WWOX: variants seen among roughly 807,000 people sequenced by gnomAD.
WWOX encodes the protein WW domain containing oxidoreductase.
A neutral mutation model predicts 46.2 loss-of-function variants in WWOX; 69 were observed. The ratio of observed to expected loss-of-function variants is 1.49; its 90% confidence interval spans 1.23 to 1.82. WWOX has a LOEUF of 1.82. Ranked by LOEUF, WWOX falls within the 40% of genes most tolerant of loss-of-function variation. The pLI, the probability that WWOX is intolerant of heterozygous loss-of-function variation, is 0.00. For synonymous variants in WWOX, 359 were observed against 202.6 expected, an observed-to-expected ratio of 1.77 and a Z score of -6.56; for missense variants, 919 against 542.6, an observed-to-expected ratio of 1.69 and a Z score of -6.89.
intron 8 of WWOX, among the ~76,000 whole-genome samples, chr16:78,912,104 G>A (rs1196494077): frequency 6.7e-6 from 1 of 150,220 alleles, no homozygotes; most frequent in Non-Finnish European, 1.5e-5. Context: ...AGGTTTTCCA[G>A]TGTCTCTGAG....
chr16:78,803,285 G>C (rs1168220751), intron 8 of WWOX, among the ~76,000 whole-genome samples: 1 of 151,474 alleles, frequency 6.6e-6, no homozygotes, highest in Non-Finnish European at 1.5e-5. Context: ...GCTCTTGTGT[G>C]TTATTGTAGT....
chr16:78,719,252 C>A (rs2048638750), intron 8 of WWOX, among the ~76,000 whole-genome samples: 1 of 152,196 alleles, frequency 6.6e-6, no homozygotes, highest in Non-Finnish European at 1.5e-5. Flanking sequence ...ATACGAACTT[C>A]CACACAAAAC....
chr16:78,588,286 A>G (rs1294167910), intron 8 of WWOX, among the ~76,000 whole-genome samples: 1 of 152,188 alleles, frequency 6.6e-6, no homozygotes, highest in Non-Finnish European at 1.5e-5. Flanking sequence ...GACCAGACTC[A>G]TAGGTTTTGG....
intron 8 of WWOX, among the ~76,000 whole-genome samples, chr16:78,570,252 A>C (rs1169211348): frequency 6.6e-6 from 1 of 152,194 alleles, no homozygotes; most frequent in Admixed American, 6.5e-5. Flanking sequence ...TTTTATTAAT[A>C]TAAAAACTTG....
chr16:78,831,662 T>C (rs2051829629), intron 8 of WWOX, among the ~76,000 whole-genome samples: 2 of 152,198 alleles, frequency 1.3e-5, no homozygotes, highest in South Asian at 4.1e-4. Context: ...AGAGTGATCA[T>C]AATACTATTT....
At chr16:78,808,193 AC>A (rs2051093135) in intron 8 of WWOX, among the ~76,000 whole-genome samples, 1 of 151,934 alleles carries the variant, frequency 6.6e-6, no homozygotes, top group Non-Finnish European at 1.5e-5. Context: ...TCCTCTTTTA[AC>A]CCCTCTGAAT....
intron 8 of WWOX, among the ~76,000 whole-genome samples, chr16:79,162,465 C>A (rs943971731): frequency 9.9e-5 from 15 of 152,134 alleles, no homozygotes; most frequent in African/African-American, 3.6e-4. Context: ...TCTCAGCTGT[C>A]CTGATGCCAC....
intron 8 of WWOX, among the ~76,000 whole-genome samples, chr16:79,198,959 G>C (rs1327001968): frequency 6.6e-6 from 1 of 152,184 alleles, no homozygotes; most frequent in Non-Finnish European, 1.5e-5. Context: ...TGTTGAGACT[G>C]GGTGTCTAGA....
At chr16:78,883,889 A>G (rs1287468693) in intron 8 of WWOX, among the ~76,000 whole-genome samples, 1 of 152,190 alleles carries the variant, frequency 6.6e-6, no homozygotes, top group African/African-American at 2.4e-5. Flanking sequence ...TTAAAGGGAA[A>G]GAAAACCTCT....
At chr16:79,008,458 A>G (rs781198131) in intron 8 of WWOX, among the ~76,000 whole-genome samples, 1 of 152,108 alleles carries the variant, frequency 6.6e-6, no homozygotes, top group African/African-American at 2.4e-5. Flanking sequence ...CAGGGGGGCA[A>G]ATTATCCCAT....
At chr16:78,691,738 C>G (rs943770042) in intron 8 of WWOX, among the ~76,000 whole-genome samples, 13 of 152,094 alleles carry the variant, frequency 8.5e-5, no homozygotes, top group African/African-American at 2.7e-4. Flanking sequence ...AGCACTGTCT[C>G]TCTCTACCCT....
chr16:78,931,795 C>T (rs895299121), intron 8 of WWOX, among the ~76,000 whole-genome samples: 3 of 152,182 alleles, frequency 2.0e-5, no homozygotes, highest in African/African-American at 7.2e-5. Flanking sequence ...TTAGCTGTGT[C>T]TCCACCCAAG....
chr16:79,211,793 C>T lies in WWOX; in HGVS notation c.1242C>T (p.Gly414=), dbSNP rs557367276. 1.9e-6 allele frequency: 3 copies of T among 1,614,042 alleles called. No homozygotes were observed. Among genetic ancestry groups the T allele is most frequent in the Non-Finnish European group, 2.5e-6 (3 of 1,179,970 alleles). The change falls in exon 9 of 9, where the codon GGC becomes GGT. Residue 414 remains glycine (G), a synonymous_variant. Coordinates refer to ENST00000566780, the MANE Select transcript of WWOX (RefSeq NM_016373.4). ...AAGAACGGCTTGGCAGCCAGTCCGG[C>T]TAAGTGGAGCTCAGAGCGGATGGGC... The part of the protein sequence containing the change: ...LIQERLGSQS[G]
intron 5 of WWOX, among the ~76,000 whole-genome samples, chr16:78,384,811 A>C (rs1268194034): frequency 6.6e-6 from 1 of 152,140 alleles, no homozygotes; most frequent in East Asian, 1.9e-4. Context: ...TTGGGGACAT[A>C]ATTTCATCAC....
rs184258328 is a variant in WWOX at position 78,215,881 on chromosome 16, A to C, written c.516+51592A>C. Among the ~76,000 whole-genome samples the C allele has an allele frequency of 4.1e-3, 621 of 152,026 alleles. 2 individuals carry two copies. Among genetic ancestry groups the C allele is most frequent in the Non-Finnish European group, 4.9e-3 (332 of 67,978 alleles). On this transcript the variant is annotated intron_variant, in intron 5 of 8. Transcript: ENST00000566780. ...GTGGAGGTTTCAGTGAGCCGAGATC[A>C]TGCCACTGCACTCTAGCCTGGGTGA...
At chr16:78,921,441 G>A (rs573994987) in intron 8 of WWOX, among the ~76,000 whole-genome samples, 199 of 152,280 alleles carry the variant, frequency 1.3e-3, no homozygotes, top group African/African-American at 4.5e-3. Flanking sequence ...CATTTGAGCT[G>A]CAAAATCATA....
chr16:78,247,819 T>C (rs1424964637), intron 5 of WWOX, among the ~76,000 whole-genome samples: 1 of 152,160 alleles, frequency 6.6e-6, no homozygotes, highest in African/African-American at 2.4e-5. Flanking sequence ...CAGGCATTGA[T>C]GGAGGTCTCA....
intron 4 of WWOX, among the ~76,000 whole-genome samples, chr16:78,137,093 G>A (rs2033821325): frequency 6.6e-6 from 1 of 152,188 alleles, no homozygotes; most frequent in African/African-American, 2.4e-5. Flanking sequence ...TAAGTGAGTG[G>A]CAGAGGGGGT....
At chr16:78,480,887 T>C (rs1362021669) in intron 8 of WWOX, among the ~76,000 whole-genome samples, 1 of 152,220 alleles carries the variant, frequency 6.6e-6, no homozygotes, top group Non-Finnish European at 1.5e-5. Context: ...CGTCACAGAA[T>C]GAACAAGAGA....
Sources: allele counts gnomAD v4.1 joint callset (sites outside exome capture counted in the v4.1 genomes callset), GRCh38; gene constraint gnomAD v4.1.1; transcripts MANE v1.5; gene names NCBI Gene and HGNC (gene_info 2026-07-23, HGNC 2026-07-21).